The following GPC5 variants were observed in gnomAD, a reference collection of about 807,000 sequenced individuals.
GPC5 encodes the protein glypican 5.
A neutral mutation model predicts 53.9 loss-of-function variants in GPC5; 47 were observed. The ratio of observed to expected loss-of-function variants is 0.87; its 90% CI spans 0.69 to 1.11. The LOEUF is 1.11. Ranked by LOEUF, GPC5 falls within the 50% of genes most tolerant of loss-of-function variation. The probability of loss-of-function intolerance (pLI) is 0.00; values close to 1 mark genes in which losing one functional copy is unlikely to be tolerated. For synonymous variants in GPC5, 286 were observed against 263.3 expected, an observed-to-expected ratio of 1.09 and a Z score of -0.84; for missense variants, 748 against 713.1, an observed-to-expected ratio of 1.05 and a Z score of -0.56.
chr13:91,746,395 A>G (rs949673747), intron 4 of GPC5, among the ~76,000 whole-genome samples: 2 of 152,204 alleles, frequency 1.3e-5, no homozygotes, highest in African/African-American at 2.4e-5. Flanking sequence ...GAGACATTTC[A>G]GAAAGAAAAT....
intron 7 of GPC5, among the ~76,000 whole-genome samples, chr13:92,395,177 T>A (rs1875208803): frequency 6.6e-6 from 1 of 152,186 alleles, no homozygotes; most frequent in Non-Finnish European, 1.5e-5. Context: ...TGTTACATGC[T>A]CCTCTCCTTT....
At chr13:91,983,561 G>A (rs1566377942) in intron 6 of GPC5, among the ~76,000 whole-genome samples, 1 of 152,198 alleles carries the variant, frequency 6.6e-6, no homozygotes, top group African/African-American at 2.4e-5. Flanking sequence ...ATCCACAATC[G>A]TCTCTCCAGG....
intron 5 of GPC5, among the ~76,000 whole-genome samples, chr13:91,906,765 G>A (rs1437806409): frequency 1.3e-5 from 2 of 151,742 alleles, no homozygotes; most frequent in Admixed American, 6.6e-5. Context: ...TGTAATTTGG[G>A]GAAGGTAGTG....
At chr13:91,930,625 A>C (rs961652814) in intron 6 of GPC5, among the ~76,000 whole-genome samples, 2 of 151,988 alleles carry the variant, frequency 1.3e-5, no homozygotes, top group African/African-American at 4.8e-5. Context: ...CACCTAACAC[A>C]TGGCAGCCCA....
intron 5 of GPC5, among the ~76,000 whole-genome samples, chr13:91,804,227 C>T (rs1350394772): frequency 6.7e-6 from 1 of 149,822 alleles, no homozygotes; most frequent in African/African-American, 2.4e-5. Context: ...GCTTTCTTAA[C>T]AATAAAAGTT....
At chr13:91,948,842 C>T (rs2040000147) in intron 6 of GPC5, among the ~76,000 whole-genome samples, 2 of 152,092 alleles carry the variant, frequency 1.3e-5, no homozygotes, top group Admixed American at 6.5e-5. Flanking sequence ...TGCAATGGCA[C>T]AAATGCAATT....
chr13:92,188,206 G>A (rs1294893635), intron 7 of GPC5, among the ~76,000 whole-genome samples: 1 of 152,170 alleles, frequency 6.6e-6, no homozygotes, highest in East Asian at 1.9e-4. Flanking sequence ...AAATTCCTGA[G>A]ACAGTTGAGA....
chr13:92,334,254 T>TCTTA (rs2043307276), intron 7 of GPC5, among the ~76,000 whole-genome samples: 1 of 152,278 alleles, frequency 6.6e-6, no homozygotes, highest in South Asian at 2.1e-4. Flanking sequence ...CAAAGGCATG[T>TCTTA]CTTACATGGC....
At chr13:92,490,906 C>T (rs1010376335) in intron 7 of GPC5, among the ~76,000 whole-genome samples, 1 of 151,970 alleles carries the variant, frequency 6.6e-6, no homozygotes, top group South Asian at 2.1e-4. Flanking sequence ...TTGTACTTAT[C>T]ATGAAAGAAG....
intron 7 of GPC5, among the ~76,000 whole-genome samples, chr13:92,155,280 C>T (rs576663439): frequency 3.2e-4 from 48 of 152,106 alleles, no homozygotes; most frequent in Non-Finnish European, 3.4e-4. Context: ...TCTGCATTTT[C>T]TGGTAGAATG....
intron 7 of GPC5, among the ~76,000 whole-genome samples, chr13:92,276,080 GGAAA>G (rs1340960370): frequency 6.6e-6 from 1 of 152,100 alleles, no homozygotes; most frequent in East Asian, 1.9e-4. Flanking sequence ...ATTGGGAAGA[GGAAA>G]GAAAGAACGG....
chr13:91,745,167 C>T (rs1326831324), intron 4 of GPC5, among the ~76,000 whole-genome samples: 9 of 151,864 alleles, frequency 5.9e-5, no homozygotes, highest in Non-Finnish European at 1.2e-4. Context: ...CAGGGGAAAA[C>T]GATGTTAGAA....
intron 6 of GPC5, among the ~76,000 whole-genome samples, chr13:92,000,113 A>C (rs933848330): frequency 6.6e-6 from 1 of 152,158 alleles, no homozygotes; most frequent in Non-Finnish European, 1.5e-5. Flanking sequence ...TAATAACAAC[A>C]ATCTGTTTTA....
chr13:91,414,397 TA>T, intron 1 of GPC5, among the ~76,000 whole-genome samples: 1 of 152,348 alleles, frequency 6.6e-6, no homozygotes, highest in East Asian at 1.9e-4. Flanking sequence ...CGGAGTCAGT[TA>T]AACCTCTTTC....
intron 1 of GPC5, among the ~76,000 whole-genome samples, chr13:91,424,755 A>G (rs1352559782): frequency 6.6e-6 from 1 of 152,126 alleles, no homozygotes; most frequent in African/African-American, 2.4e-5. Flanking sequence ...CTTAGGAAAT[A>G]CTGGGCCCAG....
intron 2 of GPC5, among the ~76,000 whole-genome samples, chr13:91,683,040 A>G (rs1162894584): frequency 1.0e-4 from 15 of 150,010 alleles, no homozygotes; most frequent in Admixed American, 2.7e-4. Context: ...TACATGGGGA[A>G]AAAAAAAAAG....
At chr13:92,447,905 A>G (rs1262807560) in intron 7 of GPC5, 3 of 152,146 alleles carry the variant, frequency 2.0e-5, no homozygotes, top group Admixed American at 2.0e-4. Flanking sequence ...ATCTAAGAAC[A>G]TTGCAGTTTG....
chr13:92,495,625 CT>C (rs71123409), intron 7 of GPC5, among the ~76,000 whole-genome samples: 96,639 of 147,040 alleles, frequency 0.66, 31,553 homozygotes, highest in East Asian at 0.77. Context: ...TTTAAGGAGA[CT>C]TTTTTTTTTT....
chr13:92,165,491 A>G (rs2042020679), intron 7 of GPC5, among the ~76,000 whole-genome samples: 1 of 152,156 alleles, frequency 6.6e-6, no homozygotes, highest in African/African-American at 2.4e-5. Flanking sequence ...GGCAGAAGGC[A>G]CTTCTTCACA....
Sources: gnomAD v4.1 joint callset for allele counts (sites outside exome capture counted in the v4.1 genomes callset) on GRCh38, gnomAD v4.1.1 for gene constraint, MANE v1.5 for transcripts, NCBI Gene and HGNC (gene_info 2026-07-23, HGNC 2026-07-21) for gene names.